The following VPS13B variants were observed in gnomAD, a reference collection of about 807,000 sequenced individuals.
VPS13B encodes the protein intermembrane lipid transfer protein VPS13B.
VPS13B carries 285 observed loss-of-function variants against 426.4 expected under a neutral mutation model. The ratio of observed to expected loss-of-function variants is 0.67; its 90% CI spans 0.61 to 0.74. The LOEUF is 0.74. Among genes scored for constraint, VPS13B ranks in the 30% least tolerant of loss-of-function variants. VPS13B has a pLI of 0.00. For synonymous variants in VPS13B, 1,676 were observed against 1,676.4 expected, an observed-to-expected ratio of 1.00 and a Z score of 0.01; for missense variants, 4,537 against 4,782.6, an observed-to-expected ratio of 0.95 and a Z score of 1.51.
chr8:99,541,061 T>C (rs932016368), intron 30 of VPS13B, among the ~76,000 whole-genome samples: 1 of 152,176 alleles, frequency 6.6e-6, no homozygotes, highest in Non-Finnish European at 1.5e-5. Flanking sequence ...TGTTTTCTGT[T>C]TTAATTATAG....
intron 36 of VPS13B, among the ~76,000 whole-genome samples, chr8:99,705,421 C>A (rs1342090322): frequency 6.6e-6 from 1 of 152,058 alleles, no homozygotes; most frequent in African/African-American, 2.4e-5. Flanking sequence ...GAGAAGACAT[C>A]TCAACATACA....
chr8:99,454,035 C>T (rs1818330548), intron 23 of VPS13B, among the ~76,000 whole-genome samples: 1 of 152,156 alleles, frequency 6.6e-6, no homozygotes, highest in Admixed American at 6.6e-5. Context: ...TTTCTCAGCC[C>T]TTGCAAACAC....
chr8:99,611,293 G>A (rs903426958), intron 33 of VPS13B, among the ~76,000 whole-genome samples: 1 of 152,062 alleles, frequency 6.6e-6, no homozygotes, highest in East Asian at 1.9e-4. Flanking sequence ...TATTTAGCTG[G>A]TTGAAATCAG....
chr8:99,122,634 A>T (rs1446413934), intron 8 of VPS13B, among the ~76,000 whole-genome samples: 1 of 152,154 alleles, frequency 6.6e-6, no homozygotes, highest in Non-Finnish European at 1.5e-5. Context: ...CATACATGTA[A>T]TATTCCTGAA....
chr8:99,352,124 G>T (rs1040907986), intron 19 of VPS13B, among the ~76,000 whole-genome samples: 1 of 152,114 alleles, frequency 6.6e-6, no homozygotes, highest in Non-Finnish European at 1.5e-5. Flanking sequence ...TGGAATCATA[G>T]CATTCCAACA....
intron 19 of VPS13B, chr8:99,340,727 A>G (rs2133183940): frequency 1.1e-5 from 4 of 349,980 alleles, no homozygotes; most frequent in South Asian, 1.1e-4. Context: ...AGCCTGGGGC[A>G]TGCTAGTAGA....
At chr8:99,806,826 G>A (rs1813425935) in intron 43 of VPS13B, among the ~76,000 whole-genome samples, 1 of 152,170 alleles carries the variant, frequency 6.6e-6, no homozygotes, top group Non-Finnish European at 1.5e-5. Context: ...AACCTCTCAC[G>A]TTAGCTAGGT....
chr8:99,698,841 GGTAA>G (rs1832145517), intron 35 of VPS13B, among the ~76,000 whole-genome samples: 2 of 152,146 alleles, frequency 1.3e-5, no homozygotes, highest in African/African-American at 4.8e-5. Context: ...TTTCATGTCA[GGTAA>G]GTAAGAGACA....
intron 21 of VPS13B, among the ~76,000 whole-genome samples, chr8:99,407,399 G>T (rs1361571857): frequency 6.6e-6 from 1 of 152,026 alleles, no homozygotes; most frequent in Non-Finnish European, 1.5e-5. Flanking sequence ...AAAGTGAGAG[G>T]TCATCAGTGC....
intron 33 of VPS13B, among the ~76,000 whole-genome samples, chr8:99,589,958 G>T (rs552966722): frequency 1.3e-5 from 2 of 152,190 alleles, no homozygotes; most frequent in East Asian, 3.9e-4. Context: ...CTGTGAATCC[G>T]TCTGGTCCTG....
At chr8:99,431,753 C>A in intron 22 of VPS13B, 89 bp downstream of exon 22, 1 of 1,376,416 alleles carries the variant, frequency 7.3e-7, no homozygotes, top group Non-Finnish European at 1.0e-6. Context: ...ACTTTTCTCA[C>A]ATGTAACAAT....
intron 23 of VPS13B, among the ~76,000 whole-genome samples, chr8:99,457,278 C>G (rs191270059): frequency 2.6e-5 from 4 of 152,108 alleles, no homozygotes; most frequent in Non-Finnish European, 5.9e-5. Flanking sequence ...ATGGTCCGCC[C>G]GCTTTGGCCT....
chr8:99,636,706 G>A (rs11776200), intron 33 of VPS13B, among the ~76,000 whole-genome samples: 3,510 of 152,146 alleles, frequency 0.023, 57 homozygotes, highest in Middle Eastern at 0.075. Flanking sequence ...TATCTAATAA[G>A]TAAAGCATTT....
At chr8:99,705,878 TA>T (rs1211866715) in intron 36 of VPS13B, among the ~76,000 whole-genome samples, 1 of 152,008 alleles carries the variant, frequency 6.6e-6, no homozygotes, top group Non-Finnish European at 1.5e-5. Context: ...TGCATAAAAA[TA>T]AAAATTATCT....
chr8:99,372,893 A>G (rs1011798141), intron 19 of VPS13B, among the ~76,000 whole-genome samples: 1 of 152,236 alleles, frequency 6.6e-6, no homozygotes, highest in South Asian at 2.1e-4. Flanking sequence ...TATTTACAAT[A>G]GGAAAGACTT....
intron 30 of VPS13B, among the ~76,000 whole-genome samples, chr8:99,539,424 G>A (rs1460080115): frequency 6.6e-6 from 1 of 152,176 alleles, no homozygotes; most frequent in Non-Finnish European, 1.5e-5. Context: ...ATTGCAGACA[G>A]AGTATTTGGA....
rs907430533 is a variant in VPS13B at position 99,681,766 on chromosome 8, A to G, written c.6047-17759A>G. On this transcript the variant is annotated intron_variant, in intron 35 of 61. Transcript: ENST00000357162. ...TAAAAACTTTCATCAACTGCTGCTC[A>G]GTGACTGAGAGGTTGCATTTGTAAT... is the stretch of plus-strand genomic sequence containing the variant. 3.9e-5 allele frequency among the ~76,000 whole-genome samples: 6 copies of G among 152,252 alleles called. No individual in the cohort carries two copies. The East Asian group carries it at 5.8e-4, about 15-fold the overall frequency.
Position 99,875,569 on chromosome 8 carries a change from A to T in VPS13B, c.11897A>T (p.Lys3966Ile), listed in dbSNP as rs117934093. 155 of 1,614,148 alleles carry T rather than the reference A, an allele frequency of 9.6e-5. No homozygotes were observed. The East Asian group carries it at 2.7e-3, about 28-fold the overall frequency. Residue 3966 changes from lysine (K) to isoleucine (I), a missense_variant, in exon 62 of 62, where the codon AAA becomes ATA. Lys to Ile is a moderately radical substitution (Grantham distance 102, BLOSUM62 -3). Coordinates refer to ENST00000357162, the MANE Select transcript of VPS13B (RefSeq NM_152564.5). Reference protein sequence around the residue: ...VAAEPPPSTVKTYHYLVDPHF... With the variant: ...VAAEPPPSTVITYHYLVDPHF... Reference sequence around the variant, plus strand: ...GCAGAACCTCCCCCCTCCACTGTTAAAACATACCATTACCTGGTTGATCCA... The same window carrying T: ...GCAGAACCTCCCCCCTCCACTGTTATAACATACCATTACCTGGTTGATCCA...
intron 54 of VPS13B, among the ~76,000 whole-genome samples, chr8:99,838,887 C>T (rs546525811): frequency 1.3e-5 from 2 of 152,316 alleles, no homozygotes; most frequent in South Asian, 2.1e-4. Flanking sequence ...GTGTTTGAAG[C>T]TTCAGTGTTC....
Sources: allele counts gnomAD v4.1 joint callset (sites outside exome capture counted in the v4.1 genomes callset), GRCh38; gene constraint gnomAD v4.1.1; transcripts MANE v1.5; gene names NCBI Gene and HGNC (gene_info 2026-07-23, HGNC 2026-07-21).